MYO1H: variants seen among roughly 807,000 people sequenced by gnomAD.
MYO1H encodes the protein unconventional myosin-Ih.
MYO1H carries 118 observed loss-of-function variants against 149.3 expected under a neutral mutation model. The observed-to-expected ratio is 0.79, with a 90% CI of 0.68 to 0.92. The LOEUF (loss-of-function observed/expected upper bound fraction) is 0.92, where lower values mean the gene tolerates loss of function less well. Among genes scored for constraint, MYO1H ranks in the 40% least tolerant of loss-of-function variants. The pLI is 0.00. For missense variants in MYO1H, 1,212 were observed against 1,280.7 expected, an observed-to-expected ratio of 0.95 and a Z score of 0.82; for synonymous variants, 447 against 465.2, an observed-to-expected ratio of 0.96 and a Z score of 0.50.
intron 7 of MYO1H, among the ~76,000 whole-genome samples, chr12:109,405,248 G>T (rs12830533): frequency 6.6e-6 from 1 of 151,876 alleles, no homozygotes; most frequent in Non-Finnish European, 1.5e-5. Context: ...TAGATAGATA[G>T]ATAATGTTAT....
At chr12:109,374,538 G>C (rs761479279) in intron 1 of MYO1H, among the ~76,000 whole-genome samples, 31 of 152,204 alleles carry the variant, frequency 2.0e-4, no homozygotes, top group Non-Finnish European at 4.0e-4. Context: ...TGGAAGTTGA[G>C]TGTGTTTCTT....
At chr12:109,442,795 C>CTTTT (rs747073389) in intron 27 of MYO1H, among the ~76,000 whole-genome samples, 53 of 94,006 alleles carry the variant, frequency 5.6e-4, no homozygotes, top group South Asian at 8.2e-4. Flanking sequence ...AGTGTCTGCT[C>CTTTT]TTTTTTTTTT....
the MYO1H span, among the ~76,000 whole-genome samples, chr12:109,315,510 G>T: frequency 6.6e-6 from 1 of 152,200 alleles, no homozygotes; most frequent in Admixed American, 6.5e-5. Context: ...GACAGGCTTT[G>T]TTTGGCTCAC....
the MYO1H span, among the ~76,000 whole-genome samples, chr12:109,342,024 A>G: frequency 6.6e-6 from 1 of 151,968 alleles, no homozygotes; most frequent in African/African-American, 2.4e-5. Flanking sequence ...GTTTCAGAAC[A>G]TGTTTCAGAA....
chr12:109,376,777 T>G (rs1376020951), intron 1 of MYO1H, among the ~76,000 whole-genome samples: 1 of 152,260 alleles, frequency 6.6e-6, no homozygotes, highest in African/African-American at 2.4e-5. Flanking sequence ...TCTTGGCTAT[T>G]CTTGGTCCTT....
At position 109,409,503 on chromosome 12, in the gene MYO1H, G is replaced by C. The variant is rs1870569033; in HGVS notation, c.1156-54G>C. Reference sequence around the variant, plus strand: ...AGTTTAGGGGAGCAGCAACAGTTTTGAGTAGCACAAAGGAAAAGACCTAAC... The same window carrying C: ...AGTTTAGGGGAGCAGCAACAGTTTTCAGTAGCACAAAGGAAAAGACCTAAC... On this transcript the variant is annotated intron_variant, in intron 10 of 31. Coordinates refer to ENST00000310903, the Ensembl canonical transcript of MYO1H. 8.7e-6 allele frequency: 13 copies of C among 1,491,018 alleles called. No individual in the cohort carries two copies. The South Asian group carries it at 1.5e-4, about 17-fold the overall frequency. 92.4% of individuals were successfully genotyped at this position (1,491,018 alleles called of 1,614,324 possible). A position where few individuals can be genotyped will look rare whatever the true frequency, so the allele number is the denominator to read the frequency against.
intron 1 of MYO1H, among the ~76,000 whole-genome samples, chr12:109,373,923 G>T (rs543044886): frequency 1.3e-4 from 20 of 152,286 alleles, no homozygotes; most frequent in Non-Finnish European, 1.0e-4. Context: ...GGAGGTGGAG[G>T]CTGCAGTGAG....
chr12:109,439,868 C>A, intron 24 of MYO1H, 78 bp downstream of exon 24: 1 of 1,351,120 alleles, frequency 7.4e-7, no homozygotes, highest in African/African-American at 1.4e-5. Flanking sequence ...TGTCTTTGTG[C>A]TGCCTCCCTT....
Position 109,407,888 on chromosome 12 carries a change from AAATC to A in MYO1H, c.1134_1137del (p.Asn379ProfsTer3), listed in dbSNP as rs768547986. 1.2e-6 allele frequency: 2 copies of A among 1,614,014 alleles called. No homozygotes were observed. The highest frequency in any genetic ancestry group is 2.2e-5 in the South Asian group (2 of 91,088). On this transcript the variant is annotated frameshift_variant, in exon 10 of 32. Transcript: ENST00000310903. LOFTEE classifies it high-confidence loss of function. ...CGAACGTTTACTTGGCTGGTCAACA[AAATC>A]AATTCCTCCTTAGTTAACAAGGTTG...
chr12:109,382,716 G>A (rs1380581059), intron 1 of MYO1H, among the ~76,000 whole-genome samples: 1 of 151,740 alleles, frequency 6.6e-6, no homozygotes, highest in East Asian at 1.9e-4. Context: ...ATCCAGTGCT[G>A]GGGGAGTAGT....
At chr12:109,428,804 CCT>C (rs1491314368) in intron 19 of MYO1H, among the ~76,000 whole-genome samples, 4 of 126,256 alleles carry the variant, frequency 3.2e-5, no homozygotes, top group African/African-American at 5.7e-5. Flanking sequence ...ACCTCACCCC[CCT>C]CCAAACATAT....
At chr12:109,423,962 C>CT (rs1871268423) in intron 16 of MYO1H, among the ~76,000 whole-genome samples, 1 of 152,178 alleles carries the variant, frequency 6.6e-6, no homozygotes, top group South Asian at 2.1e-4. Flanking sequence ...AGCTAGTGCC[C>CT]TGGGTCCCAT....
intron 1 of MYO1H, among the ~76,000 whole-genome samples, chr12:109,373,614 A>G (rs1869032307): frequency 6.6e-6 from 1 of 152,104 alleles, no homozygotes; most frequent in Non-Finnish European, 1.5e-5. Flanking sequence ...TGTTTTGTTG[A>G]ATTCAACTTG....
chr12:109,392,502 C>T (rs971988113), intron 2 of MYO1H, among the ~76,000 whole-genome samples: 4 of 152,130 alleles, frequency 2.6e-5, no homozygotes, highest in Non-Finnish European at 5.9e-5. Context: ...GCAGGCAGAT[C>T]GCCTGAGGTC....
At position 109,398,741 on chromosome 12, in the gene MYO1H, C is replaced by CAAA. The variant is rs35031072; in HGVS notation, c.570+951_570+953dup. 3.3e-3 allele frequency among the ~76,000 whole-genome samples: 171 copies of CAAA among 51,824 alleles called. 1 individual carries two copies. Among genetic ancestry groups the CAAA allele is most frequent in the East Asian group, 4.2e-3 (8 of 1,914 alleles). The allele number at this position is 51,824 out of a possible 152,430, so 34.0% of individuals were successfully genotyped here. On this transcript the variant is annotated intron_variant, in intron 5 of 31. Transcript: ENST00000310903. ...GGGCAACAAGAGCGAAACTTCCTCT[C>CAAA]AAAAAAAAAAAAAAAAAAAAAAAAG...
intron 16 of MYO1H, among the ~76,000 whole-genome samples, chr12:109,421,330 C>G (rs562363425): frequency 2.6e-5 from 4 of 152,230 alleles, no homozygotes; most frequent in African/African-American, 9.6e-5. Flanking sequence ...GTTGGGGAAG[C>G]AGATAATAAA....
intron 1 of MYO1H, among the ~76,000 whole-genome samples, chr12:109,352,128 G>T (rs567291679): frequency 1.3e-5 from 2 of 151,992 alleles, no homozygotes; most frequent in African/African-American, 4.8e-5. Flanking sequence ...ATTCCTTGTC[G>T]TCACATAAGC....
chr12:109,427,889 A>AT (rs1379473187), intron 19 of MYO1H, among the ~76,000 whole-genome samples: 1 of 16,624 alleles, frequency 6.0e-5, no homozygotes, highest in African/African-American at 1.6e-4. Context: ...TACAAAAAAA[A>AT]AAAAAAAAAA....
At chr12:109,401,407 T>C in intron 6 of MYO1H, 135 bp downstream of exon 6, 1 of 871,846 alleles carries the variant, frequency 1.1e-6, no homozygotes, top group Non-Finnish European at 1.7e-6. Flanking sequence ...TTTCTCCATA[T>C]ATATATCACA....
Sources: allele counts gnomAD v4.1 joint callset (sites outside exome capture counted in the v4.1 genomes callset), GRCh38; gene constraint gnomAD v4.1.1; transcripts MANE v1.5; gene names NCBI Gene and HGNC (gene_info 2026-07-23, HGNC 2026-07-21).